SLC16A7: variants seen among roughly 807,000 people sequenced by gnomAD.
The protein encoded by SLC16A7 is monocarboxylate transporter 2.
In SLC16A7, 33 loss-of-function variants were observed where a neutral mutation model predicts 34.9. The ratio of observed to expected loss-of-function variants is 0.94; its 90% CI spans 0.72 to 1.26. SLC16A7 has a LOEUF of 1.26. Among genes scored for constraint, SLC16A7 ranks in the 50% most tolerant of loss-of-function variants. The probability of loss-of-function intolerance (pLI) is 0.00; values close to 1 mark genes in which losing one functional copy is unlikely to be tolerated. For missense variants in SLC16A7, 573 were observed against 578.1 expected, an observed-to-expected ratio of 0.99 and a Z score of 0.09; for synonymous variants, 201 against 206.6, an observed-to-expected ratio of 0.97 and a Z score of 0.23.
At chr12:59,640,645 A>AT (rs1009427178) in intron 1 of SLC16A7, among the ~76,000 whole-genome samples, 4 of 151,942 alleles carry the variant, frequency 2.6e-5, no homozygotes, top group Non-Finnish European at 4.4e-5. Context: ...ATTGTGTAGG[A>AT]TTTTTTTTCA....
chr12:59,775,205 G>A lies in SLC16A7; in HGVS notation c.910G>A (p.Ala304Thr). 2 of 1,614,084 alleles carry A rather than the reference G, an allele frequency of 1.2e-6. No individual in the cohort carries two copies. The highest frequency in any genetic ancestry group is 1.7e-6 in the Non-Finnish European group (2 of 1,179,998). Residue 304 changes from alanine to threonine, a missense_variant, in exon 5 of 6, where the codon GCA becomes ACA. Physicochemically the swap from Ala to Thr is moderately conservative, Grantham distance 58. Coordinates refer to ENST00000547379, the MANE Select transcript of SLC16A7 (RefSeq NM_001270623.2). Reference sequence around the variant, plus strand: ...TGCTAGGCCTTCTGTAGGATTAATTGCAAACTCCAAATATATTCGACCTCG... The same window carrying A: ...TGCTAGGCCTTCTGTAGGATTAATTACAAACTCCAAATATATTCGACCTCG... ...MFARPSVGLI[A>T]NSKYIRPRIQ... is the part of the protein sequence containing the mutation.
intron 3 of SLC16A7, among the ~76,000 whole-genome samples, chr12:59,762,823 A>C (rs1486714070): frequency 3.3e-5 from 3 of 90,844 alleles, no homozygotes; most frequent in South Asian, 2.9e-4. Flanking sequence ...CATCTTTCTC[A>C]AAAAAAAAAA....
At chr12:59,634,303 A>G (rs1450306615) in intron 1 of SLC16A7, among the ~76,000 whole-genome samples, 2 of 152,022 alleles carry the variant, frequency 1.3e-5, no homozygotes, top group African/African-American at 4.8e-5. Context: ...AGTGCTTTTA[A>G]ATGTTGTTTA....
chr12:59,654,869 A>T (rs1022115343), intron 1 of SLC16A7, among the ~76,000 whole-genome samples: 1 of 151,982 alleles, frequency 6.6e-6, no homozygotes, highest in African/African-American at 2.4e-5. Context: ...TGTACTTGGG[A>T]CAGAAAATAT....
intron 2 of SLC16A7, among the ~76,000 whole-genome samples, chr12:59,663,087 A>G (rs1285199401): frequency 2.0e-5 from 3 of 152,108 alleles, no homozygotes; most frequent in African/African-American, 4.8e-5. Context: ...ATAATACAAA[A>G]TAAGTACAAA....
intron 2 of SLC16A7, chr12:59,689,364 T>C (rs1323470545): frequency 6.6e-6 from 1 of 151,938 alleles, no homozygotes; most frequent in Non-Finnish European, 1.5e-5. Context: ...AAAAGAGCAA[T>C]GGTTCACAAG....
chr12:59,635,662 T>G (rs1007071559), intron 1 of SLC16A7, among the ~76,000 whole-genome samples: 1 of 152,040 alleles, frequency 6.6e-6, no homozygotes, highest in African/African-American at 2.4e-5. Flanking sequence ...ATGTTATAAT[T>G]TCCTAAAACC....
At position 59,664,118 on chromosome 12, in the gene SLC16A7, A is replaced by T. The variant is rs528980230; in HGVS notation, c.-31+8868A>T. On this transcript the variant is annotated intron_variant, in intron 2 of 5. Coordinates refer to ENST00000547379, the MANE Select transcript of SLC16A7 (RefSeq NM_001270623.2). ...ACAGCTATATGGCCTTACATAAGTA[A>T]TCAAAACGCTGAGCTTCAGTGTCCC... Among the ~76,000 whole-genome samples the T allele has an allele frequency of 6.2e-4, 95 of 152,210 alleles. 1 individual carries two copies. In the East Asian group the frequency reaches 0.017, roughly 28 times the overall value.
intron 3 of SLC16A7, among the ~76,000 whole-genome samples, chr12:59,749,248 G>A (rs1188558965): frequency 2.0e-5 from 3 of 152,078 alleles, no homozygotes; most frequent in African/African-American, 7.2e-5. Flanking sequence ...TAACTCCTGA[G>A]TTTTGAAGGG....
At chr12:59,686,095 C>CT (rs572779305) in intron 2 of SLC16A7, among the ~76,000 whole-genome samples, 12,603 of 93,710 alleles carry the variant, frequency 0.13, 866 homozygotes, top group Admixed American at 0.2. Context: ...AAGAACTTTT[C>CT]TTTTTTTTTT....
At chr12:59,724,053 A>G (rs2137214886) in intron 3 of SLC16A7, among the ~76,000 whole-genome samples, 1 of 152,150 alleles carries the variant, frequency 6.6e-6, no homozygotes, top group East Asian at 1.9e-4. Flanking sequence ...TATGTATAGT[A>G]TATGATTTTA....
Position 59,779,465 on chromosome 12 carries a change from T to C in SLC16A7, c.1223T>C (p.Met408Thr). The C allele has an allele frequency of 6.2e-7, 1 of 1,611,188 alleles. No homozygotes were observed. Among genetic ancestry groups the C allele is most frequent in the Non-Finnish European group, 8.5e-7 (1 of 1,177,736 alleles). The change falls in exon 6 of 6, where the codon ATG becomes ACG. Residue 408 changes from methionine (M) to threonine (T), a missense_variant. By Grantham distance (81) the Met-to-Thr change is moderately conservative (BLOSUM62 -1). Coordinates refer to ENST00000547379, the MANE Select transcript of SLC16A7 (RefSeq NM_001270623.2). ...DLTGEYKYMY[M>T]SCGAIVVAAS... is the part of the protein sequence containing the mutation. Reference sequence around the variant, plus strand: ...ACTGGAGAATATAAATACATGTACATGTCCTGTGGGGCTATTGTGGTAGCA... The same window carrying C: ...ACTGGAGAATATAAATACATGTACACGTCCTGTGGGGCTATTGTGGTAGCA...
chr12:59,626,110 A>G (rs1217612082), intron 1 of SLC16A7, among the ~76,000 whole-genome samples: 1 of 151,866 alleles, frequency 6.6e-6, no homozygotes, highest in Non-Finnish European at 1.5e-5. Flanking sequence ...AGTAGGTACA[A>G]TTACAGATTA....
chr12:59,772,026 C>T (rs1592688888), intron 4 of SLC16A7, among the ~76,000 whole-genome samples: 1 of 151,988 alleles, frequency 6.6e-6, no homozygotes, highest in East Asian at 1.9e-4. Flanking sequence ...AATATGTACA[C>T]CCGGAAAGCA....
intron 3 of SLC16A7, among the ~76,000 whole-genome samples, chr12:59,754,429 C>A (rs1436491097): frequency 6.6e-6 from 1 of 152,176 alleles, no homozygotes; most frequent in East Asian, 1.9e-4. Flanking sequence ...GGGGATATCA[C>A]CACCAATCCC....
At chr12:59,753,387 C>T (rs1398452374) in intron 3 of SLC16A7, among the ~76,000 whole-genome samples, 8 of 151,978 alleles carry the variant, frequency 5.3e-5, no homozygotes, top group African/African-American at 1.9e-4. Context: ...CACACATAGG[C>T]TCAAAATAAA....
chr12:59,718,150 A>G (rs1592566279), intron 3 of SLC16A7, among the ~76,000 whole-genome samples: 1 of 152,172 alleles, frequency 6.6e-6, no homozygotes, highest in South Asian at 2.1e-4. Context: ...TATAGCTTCA[A>G]TGGTACTTAT....
intron 1 of SLC16A7, among the ~76,000 whole-genome samples, chr12:59,631,981 A>T (rs1880205306): frequency 6.6e-6 from 1 of 151,948 alleles, no homozygotes. Context: ...TTACTATAAG[A>T]CAGAGTATAA....
At chr12:59,700,551 A>G (rs1291456238) in intron 2 of SLC16A7, among the ~76,000 whole-genome samples, 1 of 150,018 alleles carries the variant, frequency 6.7e-6, no homozygotes, top group Non-Finnish European at 1.5e-5. Flanking sequence ...TGATCTATAT[A>G]TATTTTAGGT....
Sources: gnomAD v4.1 joint callset for allele counts (sites outside exome capture counted in the v4.1 genomes callset) on GRCh38, gnomAD v4.1.1 for gene constraint, MANE v1.5 for transcripts, NCBI Gene and HGNC (gene_info 2026-07-23, HGNC 2026-07-21) for gene names.